Variants in KLF12 observed in about 807,000 individuals in gnomAD.
The protein encoded by KLF12 is Krueppel-like factor 12.
Under a neutral mutation model 37.8 loss-of-function variants are expected in KLF12, and 9 were observed. The observed-to-expected ratio is 0.24, with a 90% CI of 0.14 to 0.42. KLF12 has a LOEUF of 0.42. KLF12 is among the 10% of genes least tolerant of loss of function. KLF12 has a pLI of 1.00. For synonymous variants in KLF12, 208 were observed against 202.1 expected (o/e 1.03, Z -0.25); for missense variants, 411 against 516.0 (o/e 0.80, Z 1.97).
chr13:74,088,306 A>G (rs1875440856), intron 1 of KLF12, among the ~76,000 whole-genome samples: 2 of 151,658 alleles, frequency 1.3e-5, no homozygotes, highest in South Asian at 4.2e-4. Context: ...GCTGTTGCCC[A>G]GGCTGGAATC....
chr13:74,098,301 A>C (rs926122382), intron 1 of KLF12, among the ~76,000 whole-genome samples: 1 of 152,172 alleles, frequency 6.6e-6, no homozygotes, highest in African/African-American at 2.4e-5. Flanking sequence ...ATTAACTATC[A>C]ATACTGCTTA....
chr13:73,702,032 A>G (rs563835887), intron 7 of KLF12, among the ~76,000 whole-genome samples: 1 of 152,232 alleles, frequency 6.6e-6, no homozygotes, highest in Admixed American at 6.5e-5. Context: ...ACACACAAAA[A>G]AAGGGTGGGG....
chr13:73,868,430 C>A (rs2138855387), intron 3 of KLF12, among the ~76,000 whole-genome samples: 1 of 151,784 alleles, frequency 6.6e-6, no homozygotes, highest in African/African-American at 2.4e-5. Flanking sequence ...TCACTGTCAC[C>A]CCCAGGCTGG....
At chr13:74,222,305 G>A in the KLF12 span, among the ~76,000 whole-genome samples, 1 of 152,190 alleles carries the variant, frequency 6.6e-6, no homozygotes, top group African/African-American at 2.4e-5. Context: ...GCAAATGTCT[G>A]TATTTTCAGT....
chr13:73,812,151 A>G (rs1882971285), intron 5 of KLF12, among the ~76,000 whole-genome samples: 1 of 152,118 alleles, frequency 6.6e-6, no homozygotes, highest in Non-Finnish European at 1.5e-5. Context: ...ATTGTATGAC[A>G]CTACTTATAT....
intron 2 of KLF12, among the ~76,000 whole-genome samples, chr13:73,974,364 T>A (rs1303306874): frequency 2.0e-5 from 3 of 151,248 alleles, no homozygotes; most frequent in Non-Finnish European, 2.9e-5. Context: ...TTCACTTATG[T>A]GGGGGAACAA....
At chr13:74,193,763 A>G in the KLF12 span, among the ~76,000 whole-genome samples, 1 of 152,206 alleles carries the variant, frequency 6.6e-6, no homozygotes, top group Non-Finnish European at 1.5e-5. Flanking sequence ...AACTCTCAGC[A>G]ACTTCCTCTC....
At chr13:73,959,817 T>C (rs962680721) in intron 2 of KLF12, among the ~76,000 whole-genome samples, 1 of 152,174 alleles carries the variant, frequency 6.6e-6, no homozygotes, top group Non-Finnish European at 1.5e-5. Flanking sequence ...AAAAGGGCAA[T>C]GCATAATAAA....
chr13:74,214,214 A>T, the KLF12 span, among the ~76,000 whole-genome samples: 3 of 152,190 alleles, frequency 2.0e-5, no homozygotes, highest in African/African-American at 7.2e-5. Context: ...CCATGATCAA[A>T]CAAAACTGAT....
At chr13:73,907,775 G>A (rs17215096) in intron 3 of KLF12, among the ~76,000 whole-genome samples, 2,085 of 152,194 alleles carry the variant, frequency 0.014, 27 homozygotes, top group Admixed American at 0.03. Context: ...CTCTGAACAT[G>A]ATCTCTGCAT....
rs1447310849 is a variant in KLF12 at position 74,001,570 on chromosome 13, A to C, written c.-31-6517T>G. Among the ~76,000 whole-genome samples the C allele has an allele frequency of 2.0e-5, 3 of 152,232 alleles. 1 individual carries two copies. The highest frequency in any genetic ancestry group is 2.9e-5 in the Non-Finnish European group (2 of 68,040). ...GCTTTGCTCAGTATGCAGTATACAT[A>C]TTTGGCTTTCCTATTAATTGTTGCC... On this transcript the variant is annotated intron_variant, in intron 1 of 7. Coordinates refer to ENST00000377669, the MANE Select transcript of KLF12 (RefSeq NM_007249.5).
chr13:74,119,706 G>A (rs1214850056), intron 1 of KLF12, among the ~76,000 whole-genome samples: 1 of 151,990 alleles, frequency 6.6e-6, no homozygotes, highest in Non-Finnish European at 1.5e-5. Context: ...CAAGACTTGT[G>A]GGGCAATACC....
At chr13:74,183,919 T>C in the KLF12 span, among the ~76,000 whole-genome samples, 67 of 152,242 alleles carry the variant, frequency 4.4e-4, no homozygotes, top group Non-Finnish European at 8.2e-4. Flanking sequence ...ACCTGGGTGA[T>C]AGAGAGAGAC....
chr13:73,924,104 G>A (rs568840137), intron 3 of KLF12, among the ~76,000 whole-genome samples: 2 of 152,318 alleles, frequency 1.3e-5, no homozygotes, highest in East Asian at 3.9e-4. Context: ...AGCATGCAAA[G>A]CATATACACA....
intron 5 of KLF12, among the ~76,000 whole-genome samples, chr13:73,787,332 T>C (rs1167883578): frequency 2.6e-5 from 4 of 152,132 alleles, no homozygotes; most frequent in Non-Finnish European, 4.4e-5. Flanking sequence ...ATATAGCTTG[T>C]CCCAGGTCAT....
At chr13:73,930,283 A>G (rs1889605173) in intron 3 of KLF12, among the ~76,000 whole-genome samples, 1 of 152,196 alleles carries the variant, frequency 6.6e-6, no homozygotes, top group Non-Finnish European at 1.5e-5. Context: ...AAAAACGCAA[A>G]TATCTATTAA....
chr13:73,873,540 A>T (rs1392975431), intron 3 of KLF12, among the ~76,000 whole-genome samples: 2 of 152,206 alleles, frequency 1.3e-5, no homozygotes, highest in African/African-American at 4.8e-5. Context: ...TTTTATAATC[A>T]AAGCACTCAG....
At chr13:73,866,774 A>T (rs181902735) in intron 3 of KLF12, among the ~76,000 whole-genome samples, 3 of 152,208 alleles carry the variant, frequency 2.0e-5, no homozygotes, top group Admixed American at 2.0e-4. Flanking sequence ...AGAGCAAAGG[A>T]AAAGGTAAAT....
intron 1 of KLF12, among the ~76,000 whole-genome samples, chr13:74,109,107 G>GT (rs1371949560): frequency 1.3e-5 from 2 of 151,756 alleles, no homozygotes; most frequent in African/African-American, 4.8e-5. Context: ...AAACAAAAAT[G>GT]TAATAAACAC....
Sources: gnomAD v4.1 joint callset for allele counts (sites outside exome capture counted in the v4.1 genomes callset) on GRCh38, gnomAD v4.1.1 for gene constraint, MANE v1.5 for transcripts, NCBI Gene and HGNC (gene_info 2026-07-23, HGNC 2026-07-21) for gene names.